CALN1: variants seen among roughly 807,000 people sequenced by gnomAD.
CALN1 encodes calneuron 1.
CALN1 carries 17 observed loss-of-function variants against 30.6 expected under a neutral mutation model. That is an observed-to-expected ratio of 0.56 (90% CI 0.38 to 0.83). The LOEUF (loss-of-function observed/expected upper bound fraction) is 0.83. Ranked by LOEUF, CALN1 falls within the 40% of genes least tolerant of loss-of-function variation. CALN1 has a pLI of 0.00. For synonymous variants in CALN1, 156 were observed against 131.4 expected (o/e 1.19, Z -1.28); for missense variants, 291 against 354.9 (o/e 0.82, Z 1.45).
At chr7:72,304,698 T>C (rs374316771) in intron 2 of CALN1, among the ~76,000 whole-genome samples, 1 of 152,170 alleles carries the variant, frequency 6.6e-6, no homozygotes, top group Admixed American at 6.5e-5. Flanking sequence ...TAAAATCCTA[T>C]GTAGGGCATA....
intron 3 of CALN1, among the ~76,000 whole-genome samples, chr7:72,157,265 G>C (rs1235135770): frequency 6.6e-6 from 1 of 152,170 alleles, no homozygotes; most frequent in African/African-American, 2.4e-5. Context: ...AGATGAATAA[G>C]ACATGGTCCA....
At chr7:71,849,264 T>C (rs1180101663) in intron 5 of CALN1, among the ~76,000 whole-genome samples, 1 of 152,202 alleles carries the variant, frequency 6.6e-6, no homozygotes, top group Non-Finnish European at 1.5e-5. Flanking sequence ...TTAGCCCAAG[T>C]GATTTAGCAC....
chr7:71,903,295 C>CA (rs1329227415), intron 5 of CALN1, among the ~76,000 whole-genome samples: 1 of 151,738 alleles, frequency 6.6e-6, no homozygotes, highest in Non-Finnish European at 1.5e-5. Flanking sequence ...TACCTAACTT[C>CA]AAAAAAATAC....
chr7:72,476,628 G>A, the CALN1 span, among the ~76,000 whole-genome samples: 1 of 152,252 alleles, frequency 6.6e-6, no homozygotes, highest in East Asian at 1.9e-4. Context: ...GTTTCCTGGG[G>A]CCTTCGTAAA....
chr7:71,797,300 C>T (rs1207013688), intron 6 of CALN1, among the ~76,000 whole-genome samples: 1 of 152,190 alleles, frequency 6.6e-6, no homozygotes, highest in Non-Finnish European at 1.5e-5. Context: ...GCAGTCTCAA[C>T]TCAGGTGATT....
chr7:72,203,979 C>CTATT (rs59798860), intron 3 of CALN1, among the ~76,000 whole-genome samples: 3,517 of 83,824 alleles, frequency 0.042, 522 homozygotes, highest in East Asian at 0.21. Context: ...AGGCCTCTCT[C>CTATT]TTTTTTTTTT....
At chr7:72,065,656 C>T (rs1803969703) in intron 4 of CALN1, among the ~76,000 whole-genome samples, 1 of 152,114 alleles carries the variant, frequency 6.6e-6, no homozygotes, top group Non-Finnish European at 1.5e-5. Flanking sequence ...CAGGACCGAA[C>T]CCCACGCTTC....
chr7:72,154,014 A>C (rs1787463934), intron 3 of CALN1, among the ~76,000 whole-genome samples: 1 of 152,074 alleles, frequency 6.6e-6, no homozygotes, highest in African/African-American at 2.4e-5. Flanking sequence ...CTTCTCTGTG[A>C]ATTGGACACT....
At chr7:72,458,153 TTA>T in the CALN1 span, among the ~76,000 whole-genome samples, 127 of 133,898 alleles carry the variant, frequency 9.5e-4, no homozygotes, top group African/African-American at 3.3e-3. Flanking sequence ...TTTAATATAT[TTA>T]TATATATATT....
intron 2 of CALN1, among the ~76,000 whole-genome samples, chr7:72,383,408 C>T (rs1304058054): frequency 6.6e-6 from 1 of 152,152 alleles, no homozygotes; most frequent in South Asian, 2.1e-4. Context: ...CTTTTCTCTG[C>T]AGCCTCATCA....
At chr7:72,381,365 T>C (rs1466346504) in intron 2 of CALN1, among the ~76,000 whole-genome samples, 1 of 152,198 alleles carries the variant, frequency 6.6e-6, no homozygotes, top group East Asian at 1.9e-4. Context: ...CAAATCATTC[T>C]ACTATAAAGA....
At chr7:72,207,912 G>C (rs1436688411) in intron 3 of CALN1, among the ~76,000 whole-genome samples, 1 of 152,046 alleles carries the variant, frequency 6.6e-6, no homozygotes, top group Non-Finnish European at 1.5e-5. Flanking sequence ...TATGGTATTG[G>C]TTTTCAAAGT....
intron 3 of CALN1, among the ~76,000 whole-genome samples, chr7:72,272,323 A>G (rs1797050595): frequency 6.6e-6 from 1 of 152,080 alleles, no homozygotes. Context: ...GCACTTTGGG[A>G]GGTCGAGGCA....
the CALN1 span, among the ~76,000 whole-genome samples, chr7:72,479,035 C>A: frequency 6.6e-6 from 1 of 151,910 alleles, no homozygotes; most frequent in Non-Finnish European, 1.5e-5. Context: ...GCGGGTGCCA[C>A]CACACTTGAC....
At chr7:72,086,215 CTAAA>C (rs890848671) in intron 4 of CALN1, among the ~76,000 whole-genome samples, 10 of 151,990 alleles carry the variant, frequency 6.6e-5, no homozygotes, top group Middle Eastern at 3.2e-3. Context: ...GTGACATAAA[CTAAA>C]TATTGTTAAA....
At chr7:71,932,300 T>C (rs1795595316) in intron 5 of CALN1, among the ~76,000 whole-genome samples, 1 of 152,106 alleles carries the variant, frequency 6.6e-6, no homozygotes, top group Non-Finnish European at 1.5e-5. Flanking sequence ...CTTAACCTCC[T>C]GAGTAGCTGG....
At position 72,230,511 on chromosome 7, in the gene CALN1, A is replaced by G. The variant is rs200700580; in HGVS notation, c.244+48175T>C. Among the ~76,000 whole-genome samples the G allele has an allele frequency of 8.6e-5, 12 of 139,716 alleles. No homozygotes were observed. In the East Asian group the frequency reaches 1.6e-3, roughly 19 times the overall value. 91.7% of individuals were successfully genotyped at this position (139,716 alleles called of 152,430 possible). ...CAAAAGAGTGAGGCCCTGTCTTGAGAAAAAAAAAAAAAGATGGAAGAGGAC... is the reference window on the plus strand; with the variant it reads ...CAAAAGAGTGAGGCCCTGTCTTGAGGAAAAAAAAAAAAGATGGAAGAGGAC... On this transcript the variant is annotated intron_variant, in intron 3 of 6. Coordinates refer to ENST00000395275, the MANE Select transcript of CALN1 (RefSeq NM_031468.4).
At chr7:72,133,270 TC>T (rs1295857482) in intron 3 of CALN1, among the ~76,000 whole-genome samples, 4 of 152,222 alleles carry the variant, frequency 2.6e-5, no homozygotes, top group Non-Finnish European at 5.9e-5. Context: ...CATGTGACCA[TC>T]ACTTTGACTA....
intron 5 of CALN1, among the ~76,000 whole-genome samples, chr7:71,901,705 C>T (rs1793859932): frequency 6.6e-6 from 1 of 152,138 alleles, no homozygotes; most frequent in South Asian, 2.1e-4. Flanking sequence ...TCTGGAAAAA[C>T]TGGAGAGCCA....
Sources: gnomAD v4.1 joint callset for allele counts (sites outside exome capture counted in the v4.1 genomes callset) on GRCh38, gnomAD v4.1.1 for gene constraint, MANE v1.5 for transcripts, NCBI Gene and HGNC (gene_info 2026-07-23, HGNC 2026-07-21) for gene names.